SMG7: variants seen among roughly 807,000 people sequenced by gnomAD.
SMG7 encodes nonsense-mediated mRNA decay factor SMG7.
Under a neutral mutation model 148.2 loss-of-function variants are expected in SMG7, and 34 were observed. The observed-to-expected ratio is 0.23, with a 90% CI of 0.17 to 0.31. SMG7 has a LOEUF of 0.31. SMG7 is among the 10% of genes least tolerant of loss of function. The pLI is 1.00. For synonymous variants in SMG7, 492 were observed against 515.1 expected (o/e 0.96, Z 0.61); for missense variants, 1,114 against 1,408.4 (o/e 0.79, Z 3.35).
intron 1 of SMG7, among the ~76,000 whole-genome samples, chr1:183,483,037 A>G (rs978262200): frequency 1.3e-5 from 2 of 152,210 alleles, no homozygotes. Context: ...AAAACTTTGC[A>G]GACCCTTTGA....
chr1:183,552,156 GGAGA>G lies in SMG7; in HGVS notation c.*233_*236del. 1.7e-6 allele frequency: 2 copies of G among 1,196,482 alleles called. No individual in the cohort carries two copies. The highest frequency in any genetic ancestry group is 2.1e-6 in the Non-Finnish European group (2 of 957,872). 74.1% of individuals were successfully genotyped at this position (1,196,482 alleles called of 1,614,324 possible). A position where few individuals can be genotyped will look rare whatever the true frequency, so the allele number is the denominator to read the frequency against. The stretch of plus-strand genomic sequence containing the variant: ...TCCGTCCCCCCGGGGCCCTCCGGAG[GGAGA>G]GAGAGAGGAACTGCTGTTTATCTCA... On this transcript the variant is annotated 3_prime_UTR_variant, in exon 23 of 23. Coordinates refer to ENST00000688051, the MANE Select transcript of SMG7 (RefSeq NM_001375584.1).
intron 10 of SMG7, among the ~76,000 whole-genome samples, chr1:183,534,575 T>C (rs559247858): frequency 2.2e-4 from 34 of 152,186 alleles, no homozygotes; most frequent in Non-Finnish European, 2.9e-4. Context: ...TTTAAGACCC[T>C]GTGGGCCAAG....
intron 1 of SMG7, among the ~76,000 whole-genome samples, chr1:183,503,651 C>CACCT (rs1207988283): frequency 6.6e-6 from 1 of 152,168 alleles, no homozygotes; most frequent in Non-Finnish European, 1.5e-5. Flanking sequence ...GAGGGAGGGA[C>CACCT]ACCTGACTAG....
rs1165952420 is a variant in SMG7, at chr1:183,513,717, G to A, written c.61+849G>A. Among the ~76,000 whole-genome samples, 9 of 152,000 alleles carry A rather than the reference G, an allele frequency of 5.9e-5. No homozygotes were observed. In the East Asian group the frequency reaches 9.7e-4, roughly 16 times the overall value. ...GCTGAGGTCTTTTGGAAGAATAACT[G>A]CCAGGCTTAGCCATTGAAAGGAGTA... On this transcript the variant is annotated intron_variant, in intron 2 of 22. Transcript: ENST00000688051.
intron 8 of SMG7, among the ~76,000 whole-genome samples, chr1:183,530,605 T>G (rs1260889073): frequency 6.6e-6 from 1 of 152,118 alleles, no homozygotes; most frequent in Non-Finnish European, 1.5e-5. Context: ...TTCAGACATG[T>G]GAAGGATTAT....
At chr1:183,549,635 T>G in intron 19 of SMG7, 129 bp from the exon 20 acceptor site, 1 of 740,258 alleles carries the variant, frequency 1.4e-6, no homozygotes, top group Admixed American at 2.5e-5. Flanking sequence ...CAAAAAGAAA[T>G]AAAAGCCTTC....
chr1:183,524,595 G>C (rs543322369), intron 4 of SMG7, among the ~76,000 whole-genome samples: 3 of 152,182 alleles, frequency 2.0e-5, no homozygotes, highest in Non-Finnish European at 4.4e-5. Flanking sequence ...TCTGAGTTGA[G>C]CCCTTAGGGT....
At chr1:183,477,351 C>G (rs960410418) in intron 1 of SMG7, among the ~76,000 whole-genome samples, 1 of 152,068 alleles carries the variant, frequency 6.6e-6, no homozygotes, top group Non-Finnish European at 1.5e-5. Context: ...TGGATTCCTA[C>G]TGTTAGACTC....
At chr1:183,542,002 G>T in intron 13 of SMG7, 74 bp from the exon 14 acceptor site, 1 of 1,229,332 alleles carries the variant, frequency 8.1e-7, no homozygotes. Context: ...ATATTGACTT[G>T]GATCCACACA....
intron 18 of SMG7, among the ~76,000 whole-genome samples, chr1:183,548,139 T>C (rs1462928658): frequency 6.6e-6 from 1 of 152,196 alleles, no homozygotes; most frequent in Non-Finnish European, 1.5e-5. Flanking sequence ...CTTAACAGCT[T>C]TCATGACATT....
chr1:183,488,682 CTTTTT>C lies in SMG7; in HGVS notation c.29+16052_29+16056del, dbSNP rs55662555. 6.7e-4 allele frequency among the ~76,000 whole-genome samples: 50 copies of C among 75,094 alleles called. 1 individual carries two copies. Among genetic ancestry groups the C allele is most frequent in the Admixed American group, 3.2e-3 (17 of 5,244 alleles). 49.3% of individuals were successfully genotyped at this position (75,094 alleles called of 152,430 possible). The stretch of plus-strand genomic sequence containing the variant: ...CAGGAAAAGTAAAATGTTTATAAGG[CTTTTT>C]TTTTTTTTTTTTTTTTTTGAGACGG... On this transcript the variant is annotated intron_variant, in intron 1 of 22. Coordinates refer to ENST00000688051, the MANE Select transcript of SMG7 (RefSeq NM_001375584.1).
chr1:183,526,579 GTTTGT>G lies in SMG7; in HGVS notation c.313-13_313-9del. On this transcript the variant is annotated splice_polypyrimidine_tract_variant and intron_variant, in intron 4 of 22. Coordinates refer to ENST00000688051, the MANE Select transcript of SMG7 (RefSeq NM_001375584.1). ...CACTTGTGACTTACTACTAAATTTT[GTTTGT>G]TTTTCTTTTAGTTATTACAAGAACT... is the stretch of plus-strand genomic sequence containing the variant. 6.4e-7 allele frequency: 1 copy of G among 1,574,244 alleles called. No homozygotes were observed. The highest frequency in any genetic ancestry group is 8.7e-7 in the Non-Finnish European group (1 of 1,152,648).
rs1276911593 is a variant in SMG7, at chr1:183,553,244, T to C, written c.*1313T>C. 2 of 1,492,468 alleles carry C rather than the reference T, an allele frequency of 1.3e-6. No individual in the cohort carries two copies. Among genetic ancestry groups the C allele is most frequent in the Non-Finnish European group, 9.0e-7 (1 of 1,114,818 alleles). The allele number at this position is 1,492,468 out of a possible 1,614,324, so 92.5% of individuals were successfully genotyped here. A position where few individuals can be genotyped will look rare whatever the true frequency, so the allele number is the denominator to read the frequency against. ...TATTAGGAGGAAAGAGGACTGAAAA[T>C]GTTCTTGTGTAGAAACAGAAGGACA... On this transcript the variant is annotated 3_prime_UTR_variant, in exon 23 of 23. Coordinates refer to ENST00000688051, the MANE Select transcript of SMG7 (RefSeq NM_001375584.1).
At chr1:183,503,543 TGTG>T (rs1238985705) in intron 1 of SMG7, among the ~76,000 whole-genome samples, 1 of 152,222 alleles carries the variant, frequency 6.6e-6, no homozygotes, top group Non-Finnish European at 1.5e-5. Context: ...TTTTGTCACT[TGTG>T]GTGGTAGAGG....
intron 1 of SMG7, among the ~76,000 whole-genome samples, chr1:183,503,322 G>A (rs1660154865): frequency 6.6e-6 from 1 of 151,920 alleles, no homozygotes; most frequent in South Asian, 2.1e-4. Flanking sequence ...CAGTTAGTGT[G>A]GTATTTCTAT....
At chr1:183,539,251 C>A (rs1450490954) in intron 12 of SMG7, among the ~76,000 whole-genome samples, 1 of 152,154 alleles carries the variant, frequency 6.6e-6, no homozygotes, top group Non-Finnish European at 1.5e-5. Flanking sequence ...CTTCTAGATA[C>A]CAAAATCCAG....
intron 1 of SMG7, among the ~76,000 whole-genome samples, chr1:183,495,770 A>C (rs1209211664): frequency 6.6e-6 from 1 of 152,162 alleles, no homozygotes; most frequent in Non-Finnish European, 1.5e-5. Context: ...CGGGAGGCTA[A>C]GACAAGAGAA....
chr1:183,533,392 A>G, intron 9 of SMG7, 66 bp downstream of exon 9: 1 of 1,489,876 alleles, frequency 6.7e-7, no homozygotes, highest in East Asian at 2.3e-5. Context: ...CATTTCATCG[A>G]TGTAGCAAAG....
intron 1 of SMG7, among the ~76,000 whole-genome samples, 181 bp from the exon 2 acceptor site, chr1:183,512,656 A>C (rs971495920): frequency 2.0e-5 from 3 of 152,172 alleles, no homozygotes; most frequent in Non-Finnish European, 4.4e-5. Flanking sequence ...TTAATTTGCC[A>C]AGACCTTGTG....
Sources: allele counts gnomAD v4.1 joint callset (sites outside exome capture counted in the v4.1 genomes callset), GRCh38; gene constraint gnomAD v4.1.1; transcripts MANE v1.5; gene names NCBI Gene and HGNC (gene_info 2026-07-23, HGNC 2026-07-21).